Variants in IKZF2 observed in about 807,000 individuals in gnomAD.
IKZF2 encodes the protein IKAROS family zinc finger 2.
IKZF2 carries 15 observed loss-of-function variants against 49.2 expected under a neutral mutation model. The observed-to-expected ratio is 0.30, with a 90% CI of 0.20 to 0.47. The LOEUF (loss-of-function observed/expected upper bound fraction) is 0.47. Among genes scored for constraint, IKZF2 ranks in the 20% least tolerant of loss-of-function variants. The probability of loss-of-function intolerance (pLI) is 1.00; values close to 1 mark genes in which losing one functional copy is unlikely to be tolerated. For synonymous variants in IKZF2, 227 were observed against 221.4 expected, an observed-to-expected ratio of 1.03 and a Z score of -0.23; for missense variants, 567 against 664.6, an observed-to-expected ratio of 0.85 and a Z score of 1.61.
At chr2:213,096,014 T>C (rs1705933519) in intron 4 of IKZF2, among the ~76,000 whole-genome samples, 1 of 151,906 alleles carries the variant, frequency 6.6e-6, no homozygotes, top group South Asian at 2.1e-4. Context: ...CACTAAATAT[T>C]ATACAGCTTA....
intron 6 of IKZF2, among the ~76,000 whole-genome samples, chr2:213,044,348 A>C (rs534454943): frequency 6.6e-6 from 1 of 152,290 alleles, no homozygotes; most frequent in East Asian, 1.9e-4. Flanking sequence ...GCATGTCCCC[A>C]AATTTTCCCC....
At chr2:213,026,395 C>T (rs1697826062) in intron 6 of IKZF2, among the ~76,000 whole-genome samples, 1 of 152,160 alleles carries the variant, frequency 6.6e-6, no homozygotes, top group Non-Finnish European at 1.5e-5. Context: ...TATTTACACA[C>T]TAATTTTCAT....
At chr2:213,048,118 A>G (rs531565939) in intron 6 of IKZF2, among the ~76,000 whole-genome samples, 420 of 152,254 alleles carry the variant, frequency 2.8e-3, no homozygotes, top group Non-Finnish European at 4.7e-3. Context: ...TTGGTGATGC[A>G]GTAGCTGGAT....
intron 4 of IKZF2, among the ~76,000 whole-genome samples, chr2:213,066,715 G>GTTC (rs1192321090): frequency 9.9e-5 from 15 of 151,902 alleles, no homozygotes; most frequent in African/African-American, 3.6e-4. Flanking sequence ...TGTTGTTGTT[G>GTTC]TTCTTCTTCT....
chr2:213,045,796 C>T (rs1480145492), intron 6 of IKZF2, among the ~76,000 whole-genome samples: 2 of 152,084 alleles, frequency 1.3e-5, no homozygotes, highest in African/African-American at 4.8e-5. Context: ...AATGTGGTGG[C>T]CTCTCTAGAT....
chr2:213,104,380 C>G (rs774466576), intron 4 of IKZF2, among the ~76,000 whole-genome samples: 7 of 152,092 alleles, frequency 4.6e-5, no homozygotes, highest in Non-Finnish European at 8.8e-5. Context: ...CCTGTCTGCA[C>G]CATCCTAACT....
intron 7 of IKZF2, among the ~76,000 whole-genome samples, chr2:213,019,437 C>G (rs1387669963): frequency 6.6e-6 from 1 of 152,142 alleles, no homozygotes; most frequent in Non-Finnish European, 1.5e-5. Flanking sequence ...ACTCTAGCAG[C>G]ATTTTACAGA....
At chr2:213,088,602 C>A (rs1704939100) in intron 4 of IKZF2, among the ~76,000 whole-genome samples, 2 of 151,824 alleles carry the variant, frequency 1.3e-5, no homozygotes, top group Admixed American at 6.6e-5. Flanking sequence ...CTAGTAAAAA[C>A]ATAAAAATTA....
At position 213,121,118 on chromosome 2, in the gene IKZF2, A is replaced by G. The variant is rs56043879; in HGVS notation, c.139+26590T>C. 7.1e-3 allele frequency among the ~76,000 whole-genome samples: 1,080 copies of G among 152,310 alleles called. 13 individuals are homozygous for G. The highest frequency in any genetic ancestry group is 0.025 in the African/African-American group (1,027 of 41,568). ...AAAATGCATTCTTCTTCTCTGTCCT[A>G]TACACAATATTTTTCATAAAGTACT... On this transcript the variant is annotated intron_variant, in intron 4 of 8. Coordinates refer to ENST00000434687, the MANE Select transcript of IKZF2 (RefSeq NM_001387220.1).
rs185952030 is a variant in IKZF2, at chr2:213,049,627, T to A, written c.574+86A>T. 11 of 1,042,294 alleles carry A rather than the reference T, an allele frequency of 1.1e-5. No homozygotes were observed. The African/African-American group carries it at 1.4e-4, about 14-fold the overall frequency. The allele number at this position is 1,042,294 out of a possible 1,614,324, so 64.6% of individuals were successfully genotyped here. On this transcript the variant is annotated intron_variant, in intron 6 of 8. Coordinates refer to ENST00000434687, the MANE Select transcript of IKZF2 (RefSeq NM_001387220.1). ...ATTGTCTTGGTCATTACCGACTACA[T>A]AACAAAGCCATGTTACTATCATTCA... is the stretch of plus-strand genomic sequence containing the variant.
intron 4 of IKZF2, among the ~76,000 whole-genome samples, chr2:213,077,326 C>A (rs1029294703): frequency 6.6e-6 from 1 of 152,008 alleles, no homozygotes; most frequent in Non-Finnish European, 1.5e-5. Context: ...TAAAATAATA[C>A]TAGTCTTTTT....
At chr2:213,148,509 T>A in intron 3 of IKZF2, 87 bp downstream of exon 3, 1 of 898,524 alleles carries the variant, frequency 1.1e-6, no homozygotes, top group East Asian at 2.4e-5. Flanking sequence ...GAATTCTCAA[T>A]AAAGTTTCAT....
intron 4 of IKZF2, among the ~76,000 whole-genome samples, chr2:213,095,085 GT>G (rs1204344413): frequency 6.6e-6 from 1 of 152,044 alleles, no homozygotes; most frequent in African/African-American, 2.4e-5. Context: ...CAAACCTTAA[GT>G]TCAGATCTGA....
chr2:213,070,097 A>T (rs574295791), intron 4 of IKZF2, among the ~76,000 whole-genome samples: 3 of 152,242 alleles, frequency 2.0e-5, no homozygotes, highest in Non-Finnish European at 2.9e-5. Context: ...GGAAAAAAAA[A>T]TTCCTTTCAG....
chr2:213,063,821 A>G lies in IKZF2; in HGVS notation c.140-6722T>C, dbSNP rs1218243268. Among the ~76,000 whole-genome samples the G allele has an allele frequency of 2.6e-5, 4 of 152,038 alleles. No individual in the cohort carries two copies. The East Asian group carries it at 7.7e-4, about 29-fold the overall frequency. On this transcript the variant is annotated intron_variant, in intron 4 of 8. Coordinates refer to ENST00000434687, the MANE Select transcript of IKZF2 (RefSeq NM_001387220.1). ...CTCTCCAATGAAACAAGTAACTTAC[A>G]TTAGTATTATATTTAGGACAAAAAT...
intron 4 of IKZF2, among the ~76,000 whole-genome samples, chr2:213,111,038 T>C (rs774658693): frequency 1.3e-5 from 2 of 152,014 alleles, no homozygotes; most frequent in Admixed American, 6.6e-5. Context: ...TAAGTCATCA[T>C]ATGAGTTGCA....
intron 4 of IKZF2, among the ~76,000 whole-genome samples, chr2:213,109,339 T>C (rs2125758461): frequency 6.6e-6 from 1 of 152,212 alleles, no homozygotes; most frequent in Middle Eastern, 3.4e-3. Context: ...GCATATTGTC[T>C]TGTTAATATT....
At chr2:213,062,912 A>G (rs1238594518) in intron 4 of IKZF2, among the ~76,000 whole-genome samples, 1 of 152,046 alleles carries the variant, frequency 6.6e-6, no homozygotes, top group Non-Finnish European at 1.5e-5. Flanking sequence ...AGTGCCTTCA[A>G]AACTGTGATG....
At chr2:213,150,275 G>T in intron 1 of IKZF2, 28 bp from the exon 2 acceptor site, 1 of 938,204 alleles carries the variant, frequency 1.1e-6, no homozygotes, top group Non-Finnish European at 1.5e-6. Flanking sequence ...GAGAAAGAAA[G>T]AAGTTTTTTG....
Sources: gnomAD v4.1 joint callset for allele counts (sites outside exome capture counted in the v4.1 genomes callset) on GRCh38, gnomAD v4.1.1 for gene constraint, MANE v1.5 for transcripts, NCBI Gene and HGNC (gene_info 2026-07-23, HGNC 2026-07-21) for gene names.